PRKCA: variants seen among roughly 807,000 people sequenced by gnomAD.
The protein encoded by PRKCA is protein kinase C alpha.
A neutral mutation model predicts 87.0 loss-of-function variants in PRKCA; 27 were observed. That is an observed-to-expected ratio of 0.31 (90% confidence interval 0.23 to 0.43). The LOEUF (loss-of-function observed/expected upper bound fraction) is 0.43, where lower values mean the gene tolerates loss of function less well. PRKCA is among the 20% of genes least tolerant of loss of function. PRKCA has a pLI of 1.00. For missense variants in PRKCA, 518 were observed against 852.3 expected, an observed-to-expected ratio of 0.61 and a Z score of 4.88; for synonymous variants, 329 against 311.1, an observed-to-expected ratio of 1.06 and a Z score of -0.61.
At chr17:66,565,846 C>A (rs1356858351) in intron 3 of PRKCA, among the ~76,000 whole-genome samples, 1 of 152,068 alleles carries the variant, frequency 6.6e-6, no homozygotes, top group Non-Finnish European at 1.5e-5. Context: ...TTGATCTACC[C>A]ACTATGTATA....
chr17:66,635,044 T>C (rs186544341), intron 3 of PRKCA, among the ~76,000 whole-genome samples: 1 of 152,332 alleles, frequency 6.6e-6, no homozygotes, highest in East Asian at 1.9e-4. Context: ...CTGGAGAGAC[T>C]TCCTGGAGGA....
At chr17:66,701,269 G>C (rs960980878) in intron 8 of PRKCA, among the ~76,000 whole-genome samples, 7 of 152,032 alleles carry the variant, frequency 4.6e-5, no homozygotes, top group Admixed American at 1.3e-4. Context: ...TTGGATAGAT[G>C]CATTTCGTAG....
At chr17:66,700,644 C>T (rs1240792885) in intron 8 of PRKCA, among the ~76,000 whole-genome samples, 1 of 152,144 alleles carries the variant, frequency 6.6e-6, no homozygotes, top group Non-Finnish European at 1.5e-5. Context: ...TTGTGTTTCT[C>T]TATGCTAACA....
At chr17:66,434,962 T>C (rs1263201948) in intron 2 of PRKCA, among the ~76,000 whole-genome samples, 3 of 152,224 alleles carry the variant, frequency 2.0e-5, no homozygotes, top group African/African-American at 7.2e-5. Flanking sequence ...AATATTTACA[T>C]TAGTCTTGTT....
intron 8 of PRKCA, among the ~76,000 whole-genome samples, chr17:66,711,142 G>A (rs754714523): frequency 9.2e-5 from 14 of 152,184 alleles, no homozygotes; most frequent in Non-Finnish European, 1.6e-4. Flanking sequence ...TGTATTGAAA[G>A]CATCCATCCA....
At chr17:66,439,741 C>T (rs191323325) in intron 2 of PRKCA, among the ~76,000 whole-genome samples, 36 of 152,236 alleles carry the variant, frequency 2.4e-4, no homozygotes, top group Middle Eastern at 3.4e-3. Context: ...TAGGTCATGG[C>T]GCATGGTCTT....
intron 6 of PRKCA, among the ~76,000 whole-genome samples, 154 bp from the exon 7 acceptor site, chr17:66,688,148 G>T (rs1040137460): frequency 6.6e-6 from 1 of 152,172 alleles, no homozygotes; most frequent in Admixed American, 6.5e-5. Flanking sequence ...CTCCTGTAGC[G>T]CTTTGCTTGC....
intron 8 of PRKCA, among the ~76,000 whole-genome samples, chr17:66,707,454 G>C (rs1973220347): frequency 6.6e-6 from 1 of 152,162 alleles, no homozygotes; most frequent in Non-Finnish European, 1.5e-5. Flanking sequence ...TTATGAGGCT[G>C]GTTGGAGGCC....
chr17:66,321,703 T>C (rs1598589566), intron 2 of PRKCA, among the ~76,000 whole-genome samples: 2 of 152,092 alleles, frequency 1.3e-5, no homozygotes, highest in East Asian at 1.9e-4. Context: ...ACCACTGCAC[T>C]TGGCTAATTT....
chr17:66,751,639 C>G (rs760434321), intron 13 of PRKCA, among the ~76,000 whole-genome samples: 4 of 152,188 alleles, frequency 2.6e-5, no homozygotes, highest in Non-Finnish European at 4.4e-5. Flanking sequence ...TCTGCTGACC[C>G]CAGAGGAGGC....
intron 8 of PRKCA, among the ~76,000 whole-genome samples, chr17:66,728,470 G>T (rs751993986): frequency 6.6e-6 from 1 of 152,246 alleles, no homozygotes; most frequent in Non-Finnish European, 1.5e-5. Context: ...CACCTTGTGC[G>T]AGCAGGTGTC....
At chr17:66,443,004 T>G (rs1438327283) in intron 2 of PRKCA, among the ~76,000 whole-genome samples, 1 of 152,200 alleles carries the variant, frequency 6.6e-6, no homozygotes, top group Non-Finnish European at 1.5e-5. Context: ...CATCGTCCCT[T>G]TTTTGGTTAT....
chr17:66,368,151 A>C (rs1908841001), intron 2 of PRKCA, among the ~76,000 whole-genome samples: 1 of 152,046 alleles, frequency 6.6e-6, no homozygotes, highest in Non-Finnish European at 1.5e-5. Flanking sequence ...TAATTTTGGC[A>C]ATTCTTACCT....
chr17:66,787,838 A>G (rs549585287), intron 15 of PRKCA, among the ~76,000 whole-genome samples: 4 of 152,176 alleles, frequency 2.6e-5, no homozygotes, highest in African/African-American at 9.6e-5. Context: ...CAATATTGTG[A>G]TTGAGGATTT....
chr17:66,659,469 A>G (rs1971831189), intron 5 of PRKCA, among the ~76,000 whole-genome samples: 1 of 152,168 alleles, frequency 6.6e-6, no homozygotes, highest in African/African-American at 2.4e-5. Context: ...GTGTCCCAGT[A>G]CTTTGAGAGG....
At chr17:66,515,652 C>T (rs1407016063) in intron 3 of PRKCA, among the ~76,000 whole-genome samples, 1 of 152,066 alleles carries the variant, frequency 6.6e-6, no homozygotes, top group Non-Finnish European at 1.5e-5. Flanking sequence ...AGGTGATCCT[C>T]CCCCCATCAG....
intron 11 of PRKCA, among the ~76,000 whole-genome samples, chr17:66,739,797 T>C (rs1490059121): frequency 6.6e-6 from 1 of 151,754 alleles, no homozygotes; most frequent in East Asian, 1.9e-4. Context: ...GGTGGGGCTC[T>C]GGGTGAAGAG....
chr17:66,732,850 T>C, intron 9 of PRKCA, 25 bp downstream of exon 9: 1 of 1,605,086 alleles, frequency 6.2e-7, no homozygotes. Context: ...GTCTGCAAAT[T>C]GCAGGGGCTT....
At chr17:66,610,262 G>A (rs1352971743) in intron 3 of PRKCA, among the ~76,000 whole-genome samples, 1 of 152,168 alleles carries the variant, frequency 6.6e-6, no homozygotes, top group Non-Finnish European at 1.5e-5. Flanking sequence ...GAGATGCACA[G>A]GGCAAGGGAT....
Sources: gnomAD v4.1 joint callset for allele counts (sites outside exome capture counted in the v4.1 genomes callset) on GRCh38, gnomAD v4.1.1 for gene constraint, MANE v1.5 for transcripts, NCBI Gene and HGNC (gene_info 2026-07-23, HGNC 2026-07-21) for gene names.